MYOM1: variants seen among roughly 807,000 people sequenced by gnomAD.
The protein encoded by MYOM1 is myomesin 1.
Under a neutral mutation model 205.3 loss-of-function variants are expected in MYOM1, and 164 were observed. The observed-to-expected ratio is 0.80, with a 90% CI of 0.70 to 0.91. The LOEUF is 0.91. Among genes scored for constraint, MYOM1 ranks in the 40% least tolerant of loss-of-function variants. The probability of loss-of-function intolerance (pLI) is 0.00; values close to 1 mark genes in which losing one functional copy is unlikely to be tolerated. For synonymous variants in MYOM1, 772 were observed against 789.4 expected (o/e 0.98, Z 0.37); for missense variants, 2,011 against 2,127.3 (o/e 0.95, Z 1.08).
chr18:3,203,979 C>G (rs1030419802), intron 2 of MYOM1, among the ~76,000 whole-genome samples: 3 of 151,794 alleles, frequency 2.0e-5, no homozygotes. Context: ...GTGTAATATA[C>G]CATATTAATA....
In MYOM1 at chr18:3,079,936, A is replaced by G. The variant is rs543470695; in HGVS notation, c.4485-594T>C. Among the ~76,000 whole-genome samples the G allele has an allele frequency of 3.2e-4, 49 of 152,346 alleles. 1 individual carries two copies. Among genetic ancestry groups the G allele is most frequent in the Non-Finnish European group, 5.7e-4 (39 of 68,034 alleles). On this transcript the variant is annotated intron_variant, in intron 33 of 37. Transcript: ENST00000356443. ...CTCTGTCCCGGGATGTGAGTTTCTC[A>G]GAATTCTACAGTAGGTCATGAGCAG...
At chr18:3,242,953 A>T in the MYOM1 span, among the ~76,000 whole-genome samples, 1 of 152,108 alleles carries the variant, frequency 6.6e-6, no homozygotes, top group South Asian at 2.1e-4. Context: ...TTTTCTAAGC[A>T]TGTATCTATT....
the MYOM1 span, among the ~76,000 whole-genome samples, chr18:3,232,247 T>C: frequency 6.6e-6 from 1 of 152,020 alleles, no homozygotes; most frequent in East Asian, 1.9e-4. Flanking sequence ...CAAGAATTGC[T>C]TGAATCCTGG....
chr18:3,102,160 C>G (rs1846382550), intron 23 of MYOM1, among the ~76,000 whole-genome samples: 1 of 151,760 alleles, frequency 6.6e-6, no homozygotes, highest in Admixed American at 6.6e-5. Context: ...CACCACCACA[C>G]CCGGCTAATT....
intron 19 of MYOM1, among the ~76,000 whole-genome samples, chr18:3,120,627 G>C (rs2079676136): frequency 6.6e-6 from 1 of 152,152 alleles, no homozygotes; most frequent in Non-Finnish European, 1.5e-5. Context: ...CTGACTCAAG[G>C]ACACCGTGAT....
intron 33 of MYOM1, among the ~76,000 whole-genome samples, chr18:3,083,103 C>T (rs2079103804): frequency 6.6e-6 from 1 of 152,202 alleles, no homozygotes; most frequent in Non-Finnish European, 1.5e-5. Flanking sequence ...ATGCCTGGCA[C>T]AGCAGAGAGA....
Position 3,214,938 on chromosome 18 carries a change from G to C in MYOM1, c.286C>G (p.His96Asp). ...AASAYDYGSS[H>D]GLTDSSLLLD... Reference sequence around the variant, plus strand: ...GGAGGAGGGCGTCCGACATACCCATGGGAGGAGCCATAATCGTAGGCTGAG... The same window carrying C: ...GGAGGAGGGCGTCCGACATACCCATCGGAGGAGCCATAATCGTAGGCTGAG... Residue 96 changes from histidine to aspartate, a missense_variant, in exon 2 of 38, where the codon CAT becomes GAT. Coordinates refer to ENST00000356443, the MANE Select transcript of MYOM1 (RefSeq NM_003803.4). 1.3e-6 allele frequency: 2 copies of C among 1,594,972 alleles called. No individual in the cohort carries two copies. The highest frequency in any genetic ancestry group is 1.7e-6 in the Non-Finnish European group (2 of 1,168,476).
At chr18:3,081,966 T>C (rs192114175) in intron 33 of MYOM1, among the ~76,000 whole-genome samples, 1 of 152,348 alleles carries the variant, frequency 6.6e-6, no homozygotes, top group Admixed American at 6.5e-5. Context: ...ACCGGTTTCA[T>C]GGAAGACGAT....
In MYOM1 at chr18:3,126,802, C is replaced by A. The variant is rs2079792572; in HGVS notation, c.2890G>T (p.Glu964Ter). 1 of 1,613,774 alleles carries A rather than the reference C, an allele frequency of 6.2e-7. No individual in the cohort carries two copies. Among genetic ancestry groups the A allele is most frequent in the African/African-American group, 1.3e-5 (1 of 74,936 alleles). ...TAGTTCACATAATAGCCAGTAATTT[C>A]TGCCCCTCCAATCTTATCTGGTTGC... Reference protein sequence around the residue: ...WKQPDKIGGAEITGYYVNYRE... With the variant: ...WKQPDKIGGA Residue 964 changes from glutamate (E) to a stop codon, truncating the protein, a stop_gained, in exon 19 of 38, where the codon GAA becomes TAA. Transcript: ENST00000356443. LOFTEE classifies it high-confidence loss of function.
intron 25 of MYOM1, among the ~76,000 whole-genome samples, chr18:3,096,333 T>C (rs955652141): frequency 6.6e-6 from 1 of 152,154 alleles, no homozygotes; most frequent in Non-Finnish European, 1.5e-5. Context: ...AAATAATATA[T>C]ACTGCTTAAA....
chr18:3,195,007 T>C (rs2080974937), intron 2 of MYOM1, among the ~76,000 whole-genome samples: 1 of 152,166 alleles, frequency 6.6e-6, no homozygotes, highest in Non-Finnish European at 1.5e-5. Context: ...AAAGCCAAGC[T>C]GCCCAGTTGA....
rs2080691078 is a variant in MYOM1 at position 3,179,069 on chromosome 18, A to T, written c.930-2935T>A. ...TTTTTTGTAGAGACAGGCTCTTGCT[A>T]TGTTGCCTATGCTGGTCTTAAACTC... On this transcript the variant is annotated intron_variant, in intron 5 of 37. Coordinates refer to ENST00000356443, the MANE Select transcript of MYOM1 (RefSeq NM_003803.4). This position sits in a 1 kb window ranked among gnomAD's most constrained non-coding sequence, Gnocchi z 4.4. Among the ~76,000 whole-genome samples the T allele has an allele frequency of 6.6e-6, 1 of 151,922 alleles. No individual in the cohort carries two copies. Among genetic ancestry groups the T allele is most frequent in the Non-Finnish European group, 1.5e-5 (1 of 67,994 alleles).
rs200316362 is a variant in MYOM1, at chr18:3,159,074, G to GA, written c.1502-3987dup. On this transcript the variant is annotated intron_variant, in intron 10 of 37. Transcript: ENST00000356443. Reference sequence around the variant, plus strand: ...AGAGAGAGCAAGAGAAACAGAGTGTGAAAAAAAAAGAAAAGAGAAAGAGAA... The same window carrying GA: ...AGAGAGAGCAAGAGAAACAGAGTGTGAAAAAAAAAAGAAAAGAGAAAGAGAA... 3.8e-3 allele frequency among the ~76,000 whole-genome samples: 569 copies of GA among 149,748 alleles called. 1 individual carries two copies. Among genetic ancestry groups the GA allele is most frequent in the African/African-American group, 0.013 (538 of 40,826 alleles).
At chr18:3,148,840 C>T (rs1389259413) in intron 13 of MYOM1, among the ~76,000 whole-genome samples, 1 of 82,180 alleles carries the variant, frequency 1.2e-5, no homozygotes, top group African/African-American at 5.0e-5. Context: ...AGCGAGACTC[C>T]ATCCAAAAAA....
the MYOM1 span, among the ~76,000 whole-genome samples, chr18:3,232,420 A>G: frequency 6.6e-6 from 1 of 152,198 alleles, no homozygotes; most frequent in Non-Finnish European, 1.5e-5. Context: ...TAGTAACAGA[A>G]AGCAGATCAG....
At chr18:3,188,184 T>C (rs1458238867) in intron 4 of MYOM1, among the ~76,000 whole-genome samples, 1 of 152,184 alleles carries the variant, frequency 6.6e-6, no homozygotes, top group East Asian at 1.9e-4. Context: ...CTCTCTAAAA[T>C]CTTTAATTTT....
At chr18:3,192,323 A>T (rs778769440) in intron 3 of MYOM1, among the ~76,000 whole-genome samples, 2 of 152,218 alleles carry the variant, frequency 1.3e-5, no homozygotes, top group African/African-American at 4.8e-5. Flanking sequence ...CAGTGAAAAC[A>T]TGTTTGTCTG....
intron 23 of MYOM1, among the ~76,000 whole-genome samples, 191 bp downstream of exon 23, chr18:3,102,281 GGT>G (rs1188636371): frequency 6.6e-6 from 1 of 152,046 alleles, no homozygotes; most frequent in Non-Finnish European, 1.5e-5. Flanking sequence ...TGGGATTAGA[GGT>G]GTGAGCCACC....
intron 9 of MYOM1, among the ~76,000 whole-genome samples, chr18:3,165,579 C>T (rs1354677094): frequency 6.6e-6 from 1 of 152,220 alleles, no homozygotes; most frequent in Non-Finnish European, 1.5e-5. Flanking sequence ...ATTCTAATAA[C>T]TGCCTTATGT....
Sources: allele counts gnomAD v4.1 joint callset (sites outside exome capture counted in the v4.1 genomes callset), GRCh38; gene constraint gnomAD v4.1.1; non-coding constraint Gnocchi (gnomAD v3.1); transcripts MANE v1.5; gene names NCBI Gene and HGNC (gene_info 2026-07-23, HGNC 2026-07-21).